CPXM2: variants seen among roughly 807,000 people sequenced by gnomAD.
The protein encoded by CPXM2 is carboxypeptidase X, M14 family member 2.
A neutral mutation model predicts 86.1 loss-of-function variants in CPXM2; 66 were observed. The ratio of observed to expected loss-of-function variants is 0.77; its 90% CI spans 0.63 to 0.94. The LOEUF is 0.94. Among genes scored for constraint, CPXM2 ranks in the 40% least tolerant of loss-of-function variants. The probability of loss-of-function intolerance (pLI) is 0.00; values close to 1 mark genes in which losing one functional copy is unlikely to be tolerated. For synonymous variants in CPXM2, 388 were observed against 400.2 expected, an observed-to-expected ratio of 0.97 and a Z score of 0.36; for missense variants, 948 against 1,026.3, an observed-to-expected ratio of 0.92 and a Z score of 1.04.
intron 2 of CPXM2, 66 bp downstream of exon 2, chr10:123,880,145 T>TTGGGGGGGG: frequency 2.5e-6 from 1 of 407,578 alleles, no homozygotes; most frequent in East Asian, 4.9e-5. Context: ...CAGGGGCCTG[T>TTGGGGGGGG]ACCCACCCAC....
At chr10:123,861,707 G>A (rs529842282) in intron 3 of CPXM2, among the ~76,000 whole-genome samples, 16 of 152,274 alleles carry the variant, frequency 1.1e-4, no homozygotes, top group South Asian at 4.1e-4. Context: ...GCAAGGAATG[G>A]GGCAGCTTCT....
intron 2 of CPXM2, among the ~76,000 whole-genome samples, chr10:123,923,866 C>G (rs571128536): frequency 6.6e-5 from 10 of 152,182 alleles, no homozygotes; most frequent in African/African-American, 2.4e-4. Flanking sequence ...GTGAGACATG[C>G]CTTTCACCTT....
chr10:123,857,826 C>G (rs1039386339), intron 3 of CPXM2, among the ~76,000 whole-genome samples: 3 of 152,252 alleles, frequency 2.0e-5, no homozygotes, highest in African/African-American at 7.2e-5. Context: ...CCTGACAGTG[C>G]ACTCTGTGGT....
At chr10:123,807,765 TA>T (rs1847611177) in intron 4 of CPXM2, among the ~76,000 whole-genome samples, 1 of 152,194 alleles carries the variant, frequency 6.6e-6, no homozygotes, top group Non-Finnish European at 1.5e-5. Context: ...CCATTGTTAT[TA>T]AAGAGGCTCA....
chr10:123,794,681 T>C (rs1306659612), intron 6 of CPXM2, among the ~76,000 whole-genome samples: 1 of 152,154 alleles, frequency 6.6e-6, no homozygotes, highest in Non-Finnish European at 1.5e-5. Flanking sequence ...GGACTTTCTT[T>C]TATTGTTTTT....
intron 2 of CPXM2, among the ~76,000 whole-genome samples, chr10:123,934,717 G>C (rs1215498700): frequency 6.6e-6 from 1 of 152,076 alleles, no homozygotes; most frequent in Admixed American, 6.5e-5. Context: ...TCACCCATGG[G>C]AGGCCCTTCA....
intron 8 of CPXM2, 56 bp downstream of exon 8, chr10:123,770,860 G>A: frequency 1.3e-6 from 2 of 1,563,510 alleles, no homozygotes; most frequent in Non-Finnish European, 1.7e-6. Context: ...TCTCCTAACT[G>A]TTTACATGAG....
chr10:123,889,370 A>C (rs1237023242), intron 1 of CPXM2, among the ~76,000 whole-genome samples: 1 of 151,766 alleles, frequency 6.6e-6, no homozygotes, highest in African/African-American at 2.4e-5. Context: ...GAGCTCCCCC[A>C]GCTTGTTTGT....
At chr10:123,871,018 G>T (rs1386270055) in intron 2 of CPXM2, among the ~76,000 whole-genome samples, 1 of 152,186 alleles carries the variant, frequency 6.6e-6, no homozygotes, top group African/African-American at 2.4e-5. Context: ...CACTCTCAAA[G>T]AATCGGGTTC....
intron 10 of CPXM2, among the ~76,000 whole-genome samples, chr10:123,762,919 G>C (rs1846379046): frequency 6.6e-6 from 1 of 152,168 alleles, no homozygotes; most frequent in African/African-American, 2.4e-5. Flanking sequence ...GGATGAAATG[G>C]ACTTGGGATT....
chr10:123,941,991 G>A (rs973247592), upstream of CPXM2, among the ~76,000 whole-genome samples: 1 of 152,236 alleles, frequency 6.6e-6, no homozygotes, highest in Non-Finnish European at 1.5e-5. Flanking sequence ...AGATTGCTGG[G>A]TGTCCTATCT....
chr10:123,785,025 G>A (rs964610682), intron 6 of CPXM2, among the ~76,000 whole-genome samples: 1 of 152,162 alleles, frequency 6.6e-6, no homozygotes, highest in Non-Finnish European at 1.5e-5. Flanking sequence ...GGGCGTACAC[G>A]AAGTGACCAG....
At position 123,746,573 on chromosome 10, in the gene CPXM2, A is replaced by G; in HGVS notation, c.*191T>C. The G allele has an allele frequency of 1.6e-6, 1 of 625,202 alleles. No homozygotes were observed. Among genetic ancestry groups the G allele is most frequent in the Non-Finnish European group, 2.8e-6 (1 of 360,776 alleles). 38.7% of individuals were successfully genotyped at this position (625,202 alleles called of 1,614,324 possible). On this transcript the variant is annotated 3_prime_UTR_variant, in exon 14 of 14. Transcript: ENST00000241305. ...TGCTCTGTCCAAGTTATTTGGATAAATGGGAACAAAGAAAAGAAAACAGCC... is the reference window on the plus strand; with the variant it reads ...TGCTCTGTCCAAGTTATTTGGATAAGTGGGAACAAAGAAAAGAAAACAGCC...
intron 2 of CPXM2, among the ~76,000 whole-genome samples, chr10:123,922,686 C>G (rs530882166): frequency 6.6e-6 from 1 of 152,216 alleles, no homozygotes; most frequent in East Asian, 1.9e-4. Flanking sequence ...GGAGGCTCGG[C>G]GAGGTGAGAG....
chr10:123,903,699 C>G (rs546291475), intron 2 of CPXM2, among the ~76,000 whole-genome samples: 12 of 152,322 alleles, frequency 7.9e-5, no homozygotes, highest in African/African-American at 2.9e-4. Context: ...GGCTGGGAGG[C>G]CAAGGGACTT....
chr10:123,878,271 T>C (rs189626225), intron 2 of CPXM2, among the ~76,000 whole-genome samples: 83 of 151,410 alleles, frequency 5.5e-4, no homozygotes, highest in Non-Finnish European at 1.1e-3. Context: ...CCTCCAAGGT[T>C]ATCCTCGACC....
At chr10:123,905,337 G>A (rs1318632705) in intron 2 of CPXM2, among the ~76,000 whole-genome samples, 1 of 152,300 alleles carries the variant, frequency 6.6e-6, no homozygotes, top group East Asian at 1.9e-4. Flanking sequence ...GTGACCTTCT[G>A]ATAAAGCCAT....
At chr10:123,877,530 T>C (rs1945007069) in intron 2 of CPXM2, among the ~76,000 whole-genome samples, 2 of 152,130 alleles carry the variant, frequency 1.3e-5, no homozygotes, top group South Asian at 4.1e-4. Flanking sequence ...ACTCTTCTTG[T>C]GGAGATGCAA....
At chr10:123,919,442 G>A (rs1945563667) in intron 2 of CPXM2, among the ~76,000 whole-genome samples, 1 of 152,044 alleles carries the variant, frequency 6.6e-6, no homozygotes, top group Non-Finnish European at 1.5e-5. Flanking sequence ...AGATAACCCA[G>A]ATTTTGGCAT....
Sources: allele counts gnomAD v4.1 joint callset (sites outside exome capture counted in the v4.1 genomes callset), GRCh38; gene constraint gnomAD v4.1.1; transcripts MANE v1.5; gene names NCBI Gene and HGNC (gene_info 2026-07-23, HGNC 2026-07-21).